The following GLRA2 variants were observed in gnomAD, a reference collection of about 807,000 sequenced individuals.
The protein encoded by GLRA2 is glycine receptor subunit alpha-2.
GLRA2 carries 11 observed loss-of-function variants against 31.6 expected under a neutral mutation model. The ratio of observed to expected loss-of-function variants is 0.35; its 90% CI spans 0.22 to 0.58. The LOEUF (loss-of-function observed/expected upper bound fraction) is 0.58, where lower values mean the gene tolerates loss of function less well. GLRA2 is among the 20% of genes least tolerant of loss of function. GLRA2 has a pLI of 0.84. For missense variants in GLRA2, 212 were observed against 351.8 expected (o/e 0.60, Z 3.18); for synonymous variants, 132 against 134.0 (o/e 0.99, Z 0.10).
intron 7 of GLRA2, among the ~76,000 whole-genome samples, chrX:14,634,089 C>T (rs1205656571): frequency 9.0e-6 from 1 of 111,651 alleles, no homozygotes; most frequent in East Asian, 2.8e-4. Context: ...GCTGGGATTA[C>T]AGGCACCCAC....
chrX:14,721,832 C>T (rs1051403682), intron 8 of GLRA2, among the ~76,000 whole-genome samples: 1 of 111,468 alleles, frequency 9.0e-6, no homozygotes, highest in African/African-American at 3.3e-5. Context: ...CAAGCAGCAT[C>T]CTCAGTGCTC....
At position 14,724,926 on chromosome X, in the gene GLRA2, GAATGGAAGCCATTTGGGATTTGAT is replaced by G. The variant is rs745858357; in HGVS notation, c.1081-5255_1081-5232del. ...AGTCAGATTCTTCATTCATAATCTTGAATGGAAGCCATTTGGGATTTGATAATGGAAGCCATTTGGGATTTGATA... is the reference window on the plus strand; with the variant it reads ...AGTCAGATTCTTCATTCATAATCTTGAATGGAAGCCATTTGGGATTTGATA... On this transcript the variant is annotated intron_variant, in intron 8 of 8. Coordinates refer to ENST00000218075, the MANE Select transcript of GLRA2 (RefSeq NM_002063.4). Among the ~76,000 whole-genome samples, 100 of 111,387 alleles carry G rather than the reference GAATGGAAGCCATTTGGGATTTGAT, an allele frequency of 9.0e-4. No individual in the cohort carries two copies. The Middle Eastern group carries it at 0.032, about 36-fold the overall frequency.
At chrX:14,543,237 A>G (rs1258665440) in intron 2 of GLRA2, among the ~76,000 whole-genome samples, 1 of 67,903 alleles carries the variant, frequency 1.5e-5, no homozygotes, top group East Asian at 3.5e-4. Flanking sequence ...TGTCATCTGC[A>G]AAAAAAAAAA....
At chrX:14,453,239 T>C in the GLRA2 span, among the ~76,000 whole-genome samples, 1 of 111,789 alleles carries the variant, frequency 8.9e-6, no homozygotes, top group Non-Finnish European at 1.9e-5. Flanking sequence ...ATAATGATTC[T>C]CAAACAGGGA....
chrX:14,464,708 C>A, the GLRA2 span, among the ~76,000 whole-genome samples: 2 of 111,613 alleles, frequency 1.8e-5, no homozygotes, highest in African/African-American at 6.5e-5. Flanking sequence ...AAGCACCCAC[C>A]ACCACGCCCA....
chrX:14,526,521 T>A (rs772094195), upstream of GLRA2, among the ~76,000 whole-genome samples: 17 of 111,267 alleles, frequency 1.5e-4, no homozygotes, highest in Non-Finnish European at 2.6e-4. Context: ...TCAACTGGGG[T>A]CATGGAGGTT....
chrX:14,567,291 A>G (rs1326379295), intron 2 of GLRA2, among the ~76,000 whole-genome samples: 1 of 112,349 alleles, frequency 8.9e-6, no homozygotes, highest in Non-Finnish European at 1.9e-5. Context: ...AGATGGTTCA[A>G]TATAAGGAAA....
At chrX:14,574,135 T>C (rs2089921622) in intron 2 of GLRA2, among the ~76,000 whole-genome samples, 198 bp from the exon 3 acceptor site, 1 of 112,298 alleles carries the variant, frequency 8.9e-6, no homozygotes, top group South Asian at 3.7e-4. Context: ...CTCTTCAGGG[T>C]AAGTTGCCAT....
At chrX:14,607,110 A>C in intron 5 of GLRA2, 21 bp from the exon 6 acceptor site, 2 of 1,143,429 alleles carry the variant, frequency 1.7e-6, no homozygotes, top group Non-Finnish European at 2.4e-6. Context: ...TTCAATTTTC[A>C]CTATGATTTC....
chrX:14,649,686 GA>G (rs1366153376), intron 7 of GLRA2, among the ~76,000 whole-genome samples: 6 of 111,479 alleles, frequency 5.4e-5, no homozygotes, highest in Non-Finnish European at 1.1e-4. Flanking sequence ...TAAAGTCCAA[GA>G]CGCAATACAT....
intron 7 of GLRA2, among the ~76,000 whole-genome samples, chrX:14,640,338 G>A (rs773992757): frequency 9.0e-6 from 1 of 111,247 alleles, no homozygotes; most frequent in East Asian, 2.8e-4. Context: ...CTTGTACCAT[G>A]AGCAAAGGAA....
the GLRA2 span, among the ~76,000 whole-genome samples, chrX:14,468,943 T>G: frequency 9.0e-6 from 1 of 111,000 alleles, no homozygotes; most frequent in African/African-American, 3.3e-5. Context: ...TCATGTGTTT[T>G]TTGGCTGCAT....
At chrX:14,699,657 C>A (rs1168833297) in intron 8 of GLRA2, among the ~76,000 whole-genome samples, 1 of 111,582 alleles carries the variant, frequency 9.0e-6, no homozygotes, top group African/African-American at 3.3e-5. Flanking sequence ...CAATAGAAGA[C>A]CAGAACTTAT....
intron 7 of GLRA2, among the ~76,000 whole-genome samples, chrX:14,680,869 T>C (rs930355159): frequency 9.8e-5 from 11 of 111,928 alleles, no homozygotes; most frequent in African/African-American, 3.2e-4. Context: ...TATAAATTAC[T>C]GAATGCTGTA....
intron 7 of GLRA2, among the ~76,000 whole-genome samples, chrX:14,689,281 T>C (rs1005363081): frequency 3.6e-5 from 4 of 112,523 alleles, no homozygotes; most frequent in African/African-American, 1.3e-4. Context: ...AGAATGTTCA[T>C]AGCAGCAAAA....
chrX:14,597,831 G>A (rs2090224234), intron 4 of GLRA2, among the ~76,000 whole-genome samples: 1 of 111,538 alleles, frequency 9.0e-6, no homozygotes, highest in Admixed American at 9.5e-5. Flanking sequence ...TATGACTTTG[G>A]GAACAAAGCT....
intron 7 of GLRA2, among the ~76,000 whole-genome samples, chrX:14,680,029 C>G (rs1488701570): frequency 8.9e-6 from 1 of 112,263 alleles, no homozygotes; most frequent in African/African-American, 3.2e-5. Context: ...CATTTGGTTT[C>G]TGTCACAACT....
At chrX:14,641,055 A>G (rs747569831) in intron 7 of GLRA2, among the ~76,000 whole-genome samples, 3 of 111,230 alleles carry the variant, frequency 2.7e-5, no homozygotes, top group Non-Finnish European at 3.8e-5. Context: ...ACTTTTTTCA[A>G]TGTAGCCATT....
chrX:14,710,768 C>T (rs5978688), intron 8 of GLRA2, among the ~76,000 whole-genome samples: 50,488 of 110,288 alleles, frequency 0.46, 8,999 homozygotes, highest in Non-Finnish European at 0.57. Context: ...CTTTCCTGAA[C>T]TTGGGTCAGC....
Sources: gnomAD v4.1 joint callset for allele counts (sites outside exome capture counted in the v4.1 genomes callset) on GRCh38, gnomAD v4.1.1 for gene constraint, MANE v1.5 for transcripts, NCBI Gene and HGNC (gene_info 2026-07-23, HGNC 2026-07-21) for gene names.